The following RPTOR variants were observed in gnomAD, a reference collection of about 807,000 sequenced individuals.
The protein encoded by RPTOR is regulatory-associated protein of mTOR.
A neutral mutation model predicts 169.9 loss-of-function variants in RPTOR; 21 were observed. That is an observed-to-expected ratio of 0.12 (90% CI 0.09 to 0.18). RPTOR has a LOEUF of 0.18. Ranked by LOEUF, RPTOR falls within the 10% of genes least tolerant of loss-of-function variation. The pLI is 1.00. For missense variants in RPTOR, 1,133 were observed against 1,855.9 expected (o/e 0.61, Z 7.16); for synonymous variants, 732 against 753.2 (o/e 0.97, Z 0.46).
intron 1 of RPTOR, among the ~76,000 whole-genome samples, chr17:80,606,985 A>T (rs1228183074): frequency 2.0e-5 from 3 of 152,214 alleles, no homozygotes; most frequent in Admixed American, 6.5e-5. Flanking sequence ...AAGAAAAATG[A>T]ATCTACAGTA....
intron 9 of RPTOR, among the ~76,000 whole-genome samples, chr17:80,830,939 T>G (rs1278918210): frequency 6.6e-6 from 1 of 151,998 alleles, no homozygotes; most frequent in Non-Finnish European, 1.5e-5. Context: ...GAGATGAGGT[T>G]TCACCAGGTT....
intron 1 of RPTOR, among the ~76,000 whole-genome samples, chr17:80,613,876 G>T (rs2065289662): frequency 6.6e-6 from 1 of 152,266 alleles, no homozygotes; most frequent in Non-Finnish European, 1.5e-5. Context: ...TTCTGGATAA[G>T]TGGCTGTGGA....
At chr17:80,688,527 A>G (rs2065966114) in intron 3 of RPTOR, among the ~76,000 whole-genome samples, 1 of 151,992 alleles carries the variant, frequency 6.6e-6, no homozygotes, top group African/African-American at 2.4e-5. Context: ...GGCTGCCACC[A>G]CTCCAAACAT....
chr17:80,755,622 C>T lies in RPTOR; in HGVS notation c.830+1437C>T, dbSNP rs115666442. ...GATGTGGTAGCACATGCCTATATTC[C>T]CAGCCACTTAGGAGGCTGAGGTACT... On this transcript the variant is annotated intron_variant, in intron 6 of 33. Coordinates refer to ENST00000306801, the MANE Select transcript of RPTOR (RefSeq NM_020761.3). 2.6e-3 allele frequency among the ~76,000 whole-genome samples: 397 copies of T among 151,834 alleles called. 2 individuals are homozygous for T. Among genetic ancestry groups the T allele is most frequent in the African/African-American group, 9.3e-3 (387 of 41,406 alleles).
chr17:80,558,425 A>C (rs12451038), intron 1 of RPTOR, among the ~76,000 whole-genome samples: 5,633 of 152,276 alleles, frequency 0.037, 124 homozygotes, highest in South Asian at 0.066. Flanking sequence ...AACAAGTTTG[A>C]ATTTTACCCA....
intron 13 of RPTOR, among the ~76,000 whole-genome samples, chr17:80,873,788 G>A (rs1212112214): frequency 6.6e-6 from 1 of 152,242 alleles, no homozygotes; most frequent in African/African-American, 2.4e-5. Flanking sequence ...ACACCAGAAT[G>A]TGAAGAATCT....
intron 1 of RPTOR, among the ~76,000 whole-genome samples, chr17:80,564,503 G>A (rs1175836795): frequency 6.6e-6 from 1 of 151,838 alleles, no homozygotes; most frequent in Non-Finnish European, 1.5e-5. Context: ...ATTTATTTTA[G>A]GTTTAGAGGT....
intron 1 of RPTOR, among the ~76,000 whole-genome samples, chr17:80,563,208 T>C (rs2084523504): frequency 1.4e-5 from 2 of 139,904 alleles, no homozygotes; most frequent in Admixed American, 7.0e-5. Flanking sequence ...ATGTTTTCCC[T>C]GAAGAGTTTT....
intron 21 of RPTOR, among the ~76,000 whole-genome samples, chr17:80,921,802 C>T (rs1190055430): frequency 2.0e-5 from 3 of 152,172 alleles, no homozygotes; most frequent in African/African-American, 7.2e-5. Context: ...CTGCTCCCCA[C>T]CCTCCGGGAG....
chr17:80,936,596 G>T lies in RPTOR; in HGVS notation c.2920-3900G>T, dbSNP rs906964959. On this transcript the variant is annotated intron_variant, in intron 24 of 33. Coordinates refer to ENST00000306801, the MANE Select transcript of RPTOR (RefSeq NM_020761.3). The surrounding 1 kb of genome is among the most constrained non-coding windows in gnomAD (Gnocchi z 4.1). ...GCTAAATGGAAGAAGCTGCTCAAAA[G>T]ACTGTATCCTGTATGATCCATGTAT... Among the ~76,000 whole-genome samples the T allele has an allele frequency of 2.0e-5, 3 of 152,204 alleles. No homozygotes were observed. The highest frequency in any genetic ancestry group is 7.2e-5 in the African/African-American group (3 of 41,444).
intron 28 of RPTOR, among the ~76,000 whole-genome samples, chr17:80,950,424 T>TC (rs2144068528): frequency 6.6e-6 from 1 of 152,188 alleles, no homozygotes; most frequent in African/African-American, 2.4e-5. Flanking sequence ...TGAGCACCTG[T>TC]CCCGGGAGAT....
At chr17:80,869,664 T>G (rs1168327580) in intron 13 of RPTOR, among the ~76,000 whole-genome samples, 2 of 152,144 alleles carry the variant, frequency 1.3e-5, no homozygotes, top group East Asian at 3.9e-4. Context: ...GACTCCAGAC[T>G]GCGTGTCAGG....
intron 6 of RPTOR, among the ~76,000 whole-genome samples, chr17:80,757,077 C>T (rs769222962): frequency 2.0e-5 from 3 of 152,012 alleles, no homozygotes; most frequent in Non-Finnish European, 4.4e-5. Context: ...CACAGGAGGC[C>T]ATGGGAAAGG....
At chr17:80,644,058 G>T (rs1567836343) in intron 3 of RPTOR, among the ~76,000 whole-genome samples, 1 of 152,212 alleles carries the variant, frequency 6.6e-6, no homozygotes, top group African/African-American at 2.4e-5. Context: ...GCTTAAGTTT[G>T]TTCCAGATTT....
chr17:80,865,521 G>T (rs987178980), intron 13 of RPTOR, among the ~76,000 whole-genome samples: 1 of 152,114 alleles, frequency 6.6e-6, no homozygotes, highest in African/African-American at 2.4e-5. Context: ...GACAGAGGAG[G>T]TTTGGGAGCA....
intron 13 of RPTOR, among the ~76,000 whole-genome samples, chr17:80,867,485 C>A (rs1037018900): frequency 1.3e-5 from 2 of 152,130 alleles, no homozygotes; most frequent in Non-Finnish European, 2.9e-5. Flanking sequence ...AAGATGAAGC[C>A]ATCTGTTCTT....
intron 3 of RPTOR, among the ~76,000 whole-genome samples, chr17:80,700,622 G>GTGATGATGATGGTCGTGGTGA (rs2066082944): frequency 6.7e-6 from 1 of 149,040 alleles, no homozygotes; most frequent in African/African-American, 2.5e-5. Flanking sequence ...GATGGTGGTG[G>GTGATGATGATGGTCGTGGTGA]TGGTGGCGGC....
At chr17:80,724,802 C>T (rs1008771223) in intron 4 of RPTOR, among the ~76,000 whole-genome samples, 5 of 152,178 alleles carry the variant, frequency 3.3e-5, no homozygotes, top group African/African-American at 1.2e-4. Context: ...TGAGGAGGGG[C>T]CGTGGGAGAA....
At chr17:80,672,649 G>T (rs1321632213) in intron 3 of RPTOR, among the ~76,000 whole-genome samples, 2 of 151,958 alleles carry the variant, frequency 1.3e-5, no homozygotes, top group African/African-American at 4.8e-5. Context: ...AATTAGCCGG[G>T]TGTGGTGACA....
Sources: allele counts gnomAD v4.1 joint callset (sites outside exome capture counted in the v4.1 genomes callset), GRCh38; gene constraint gnomAD v4.1.1; non-coding constraint Gnocchi (gnomAD v3.1); transcripts MANE v1.5; gene names NCBI Gene and HGNC (gene_info 2026-07-23, HGNC 2026-07-21).